Variants in CREB5 observed in about 807,000 individuals in gnomAD.
CREB5 encodes the protein cAMP responsive element binding protein 5.
A neutral mutation model predicts 57.1 loss-of-function variants in CREB5; 19 were observed. The observed-to-expected ratio is 0.33, with a 90% CI of 0.23 to 0.49. The LOEUF (loss-of-function observed/expected upper bound fraction) is 0.49, where lower values mean the gene tolerates loss of function less well. Ranked by LOEUF, CREB5 falls within the 20% of genes least tolerant of loss-of-function variation. CREB5 has a pLI of 0.99. For synonymous variants in CREB5, 238 were observed against 238.3 expected (o/e 1.00, Z 0.01); for missense variants, 579 against 671.6 (o/e 0.86, Z 1.52).
chr7:28,807,814 G>T (rs1348195056), intron 8 of CREB5, among the ~76,000 whole-genome samples: 3 of 151,978 alleles, frequency 2.0e-5, no homozygotes, highest in Non-Finnish European at 4.4e-5. Flanking sequence ...CTTTTATTGA[G>T]AATGAAGAAG....
At chr7:28,528,728 AGAG>A (rs1306630266) in intron 4 of CREB5, among the ~76,000 whole-genome samples, 3 of 146,930 alleles carry the variant, frequency 2.0e-5, no homozygotes, top group African/African-American at 2.5e-5. Context: ...AAAAAAAAAA[AGAG>A]CGTGATTATA....
intron 5 of CREB5, among the ~76,000 whole-genome samples, chr7:28,580,248 T>C (rs1796065385): frequency 6.6e-6 from 1 of 152,146 alleles, no homozygotes; most frequent in African/African-American, 2.4e-5. Context: ...CTAAGCTTCA[T>C]GCTGTTAGAG....
chr7:28,361,226 T>G (rs1363010347), intron 1 of CREB5, among the ~76,000 whole-genome samples: 8 of 152,216 alleles, frequency 5.3e-5, no homozygotes, highest in Non-Finnish European at 1.0e-4. Context: ...CTGGCATATG[T>G]TGCGTTCATA....
Position 28,673,984 on chromosome 7 carries a change from T to C in CREB5, c.465-44769T>C, listed in dbSNP as rs376432523. On this transcript the variant is annotated intron_variant, in intron 5 of 10. Coordinates refer to ENST00000357727, the MANE Select transcript of CREB5 (RefSeq NM_182898.4). ...TGCCATGTCCAACCAATTTATCTCTTGCATATGAAAACTACATATATTTGT... is the reference window on the plus strand; with the variant it reads ...TGCCATGTCCAACCAATTTATCTCTCGCATATGAAAACTACATATATTTGT... Among the ~76,000 whole-genome samples, 12 of 152,194 alleles carry C rather than the reference T, an allele frequency of 7.9e-5. No individual in the cohort carries two copies. The East Asian group carries it at 2.3e-3, about 29-fold the overall frequency.
chr7:28,694,838 A>C (rs1195384206), intron 5 of CREB5, among the ~76,000 whole-genome samples: 1 of 152,174 alleles, frequency 6.6e-6, no homozygotes, highest in Non-Finnish European at 1.5e-5. Flanking sequence ...TGAGCTACTT[A>C]GCCTGACCCA....
intron 1 of CREB5, among the ~76,000 whole-genome samples, chr7:28,383,582 C>G (rs1787011602): frequency 1.3e-5 from 2 of 152,096 alleles, no homozygotes; most frequent in African/African-American, 4.8e-5. Context: ...GGCAGGAAAG[C>G]AGGAGCAAGG....
intron 1 of CREB5, among the ~76,000 whole-genome samples, chr7:28,430,971 C>T (rs537700563): frequency 1.3e-5 from 2 of 152,292 alleles, no homozygotes; most frequent in South Asian, 2.1e-4. Context: ...ACCAAGCTCA[C>T]TTGTATGGCT....
At chr7:28,781,882 C>G (rs1267839158) in intron 7 of CREB5, among the ~76,000 whole-genome samples, 1 of 151,324 alleles carries the variant, frequency 6.6e-6, no homozygotes, top group Non-Finnish European at 1.5e-5. Context: ...AAAAACTGAA[C>G]TTTACTAGAG....
chr7:28,534,632 C>G (rs537442451), intron 4 of CREB5, among the ~76,000 whole-genome samples: 1 of 152,256 alleles, frequency 6.6e-6, no homozygotes, highest in African/African-American at 2.4e-5. Context: ...ATATTTCCTT[C>G]TCTTCATCTC....
At chr7:28,538,858 T>C (rs1794089704) in intron 4 of CREB5, among the ~76,000 whole-genome samples, 1 of 152,370 alleles carries the variant, frequency 6.6e-6, no homozygotes, top group African/African-American at 2.4e-5. Flanking sequence ...CAATGAGTTA[T>C]ATAGAAGCAT....
At chr7:28,307,212 A>G (rs956543705) in intron 1 of CREB5, among the ~76,000 whole-genome samples, 1 of 152,150 alleles carries the variant, frequency 6.6e-6, no homozygotes, top group Non-Finnish European at 1.5e-5. Flanking sequence ...GTTTGAATAC[A>G]TTCCCTCCAA....
At chr7:28,458,576 A>G (rs1191341562) in intron 1 of CREB5, among the ~76,000 whole-genome samples, 2 of 152,208 alleles carry the variant, frequency 1.3e-5, no homozygotes, top group Non-Finnish European at 1.5e-5. Context: ...GGGCTGTGTC[A>G]AGAGAGGGAT....
At chr7:28,766,008 T>A (rs1805954187) in intron 7 of CREB5, among the ~76,000 whole-genome samples, 1 of 152,064 alleles carries the variant, frequency 6.6e-6, no homozygotes, top group Admixed American at 6.6e-5. Context: ...GTGTGTTTAA[T>A]ACCTTAGGCA....
At chr7:28,562,146 G>C (rs216744) in intron 4 of CREB5, among the ~76,000 whole-genome samples, 1 of 152,208 alleles carries the variant, frequency 6.6e-6, no homozygotes, top group African/African-American at 2.4e-5. Context: ...CCAGTAACCC[G>C]AATAAAGTAG....
intron 1 of CREB5, among the ~76,000 whole-genome samples, chr7:28,467,513 A>G (rs1226507838): frequency 1.3e-5 from 2 of 152,180 alleles, no homozygotes; most frequent in Non-Finnish European, 2.9e-5. Context: ...CTGGCAATAC[A>G]TATTGCAGAC....
At chr7:28,556,533 T>C (rs35116088) in intron 4 of CREB5, among the ~76,000 whole-genome samples, 29,928 of 152,102 alleles carry the variant, frequency 0.2, 3,342 homozygotes, top group East Asian at 0.48. Context: ...GTGTGTTAGG[T>C]TGATGGATGA....
At chr7:28,414,476 G>A (rs1258807236) in intron 1 of CREB5, among the ~76,000 whole-genome samples, 1 of 152,076 alleles carries the variant, frequency 6.6e-6, no homozygotes, top group East Asian at 1.9e-4. Flanking sequence ...TTGAGATAAG[G>A]TAATAAACTG....
intron 1 of CREB5, among the ~76,000 whole-genome samples, chr7:28,349,000 C>G (rs1231767446): frequency 6.6e-6 from 1 of 152,200 alleles, no homozygotes; most frequent in Non-Finnish European, 1.5e-5. Context: ...GTGTAGGAAA[C>G]TGAATTCCAC....
chr7:28,680,539 C>G lies in CREB5; in HGVS notation c.465-38214C>G, dbSNP rs550046121. 9.2e-5 allele frequency among the ~76,000 whole-genome samples: 14 copies of G among 152,282 alleles called. No individual in the cohort carries two copies. In the South Asian group the frequency reaches 2.9e-3, roughly 32 times the overall value. On this transcript the variant is annotated intron_variant, in intron 5 of 10. Coordinates refer to ENST00000357727, the MANE Select transcript of CREB5 (RefSeq NM_182898.4). ...TTGGAAGGCCAAGCTGGGAAGATCACTTGGGTCCAAGAGTTCAAGACCAGC... is the reference window on the plus strand; with the variant it reads ...TTGGAAGGCCAAGCTGGGAAGATCAGTTGGGTCCAAGAGTTCAAGACCAGC...
Sources: allele counts gnomAD v4.1 joint callset (sites outside exome capture counted in the v4.1 genomes callset), GRCh38; gene constraint gnomAD v4.1.1; transcripts MANE v1.5; gene names NCBI Gene and HGNC (gene_info 2026-07-23, HGNC 2026-07-21).